Variants in SRGAP3 observed in about 807,000 individuals in gnomAD.
SRGAP3 encodes the protein SLIT-ROBO Rho GTPase-activating protein 3.
A neutral mutation model predicts 121.1 loss-of-function variants in SRGAP3; 39 were observed. The ratio of observed to expected loss-of-function variants is 0.32; its 90% CI spans 0.25 to 0.42. The LOEUF (loss-of-function observed/expected upper bound fraction) is 0.42. SRGAP3 is among the 10% of genes least tolerant of loss of function. The probability of loss-of-function intolerance (pLI) is 1.00; values close to 1 mark genes in which losing one functional copy is unlikely to be tolerated. For synonymous variants in SRGAP3, 601 were observed against 570.0 expected (o/e 1.05, Z -0.77); for missense variants, 1,213 against 1,470.6 (o/e 0.82, Z 2.86).
At chr3:9,101,828 T>G (rs1948227272) in intron 3 of SRGAP3, among the ~76,000 whole-genome samples, 1 of 152,204 alleles carries the variant, frequency 6.6e-6, no homozygotes, top group South Asian at 2.1e-4. Flanking sequence ...TCATTCAGTT[T>G]AATTTTGCTA....
At chr3:9,212,939 G>A (rs1349072996) in intron 1 of SRGAP3, among the ~76,000 whole-genome samples, 1 of 152,200 alleles carries the variant, frequency 6.6e-6, no homozygotes, top group Admixed American at 6.5e-5. Flanking sequence ...GCCTGGGAAG[G>A]GCTACTGCCA....
intron 3 of SRGAP3, among the ~76,000 whole-genome samples, chr3:9,288,791 G>T (rs189192552): frequency 3.9e-5 from 6 of 151,914 alleles, no homozygotes; most frequent in African/African-American, 1.2e-4. Flanking sequence ...GCCCAGGCTG[G>T]TCTTGAACTC....
chr3:8,992,616 A>G, intron 20 of SRGAP3: 1 of 511,668 alleles, frequency 2.0e-6, no homozygotes, highest in Admixed American at 3.2e-5. Flanking sequence ...TAGGAAAAAT[A>G]CTTGCCAATT....
chr3:8,993,193 C>T (rs1942173044), intron 19 of SRGAP3, 138 bp from the exon 20 acceptor site: 3 of 1,383,402 alleles, frequency 2.2e-6, no homozygotes, highest in Non-Finnish European at 2.0e-6. Context: ...TGCTAGGCCA[C>T]TGCCCACTGG....
intron 1 of SRGAP3, among the ~76,000 whole-genome samples, chr3:9,145,196 A>T (rs181142337): frequency 1.8e-4 from 28 of 152,260 alleles, no homozygotes; most frequent in African/African-American, 6.5e-4. Context: ...CCCAGGTTCA[A>T]GCGATTCTCC....
rs1029186338 is a variant in SRGAP3 at position 9,240,448 on chromosome 3, C to G, written c.67+8437G>C. On this transcript the variant is annotated intron_variant, in intron 1 of 21. Coordinates refer to ENST00000383836, the MANE Select transcript of SRGAP3 (RefSeq NM_014850.4). Reference sequence around the variant, plus strand: ...TTCAGGAGGCAGCCCAAACTCACCCCCTCCTGACCTCACCAATCCTTACCC... The same window carrying G: ...TTCAGGAGGCAGCCCAAACTCACCCGCTCCTGACCTCACCAATCCTTACCC... 5.9e-5 allele frequency among the ~76,000 whole-genome samples: 9 copies of G among 152,106 alleles called. No homozygotes were observed. The East Asian group carries it at 7.7e-4, about 13-fold the overall frequency.
chr3:9,328,553 G>A (rs546311779), intron 2 of SRGAP3, among the ~76,000 whole-genome samples: 5 of 152,280 alleles, frequency 3.3e-5, no homozygotes, highest in South Asian at 4.1e-4. Flanking sequence ...CAGGCCAAAC[G>A]GCTGATATTT....
At chr3:9,264,574 A>G (rs1199026742) in intron 3 of SRGAP3, among the ~76,000 whole-genome samples, 2 of 152,188 alleles carry the variant, frequency 1.3e-5, no homozygotes. Flanking sequence ...CTATACACCA[A>G]TAACAGACAA....
At chr3:9,354,515 T>A (rs138316783) in intron 1 of SRGAP3, among the ~76,000 whole-genome samples, 1 of 151,580 alleles carries the variant, frequency 6.6e-6, no homozygotes, top group Non-Finnish European at 1.5e-5. Flanking sequence ...CGGTCTCTAC[T>A]AAAAAACACA....
chr3:9,060,187 C>G (rs1472311595), intron 6 of SRGAP3, 44 bp downstream of exon 6: 3 of 1,613,242 alleles, frequency 1.9e-6, no homozygotes, highest in Non-Finnish European at 2.5e-6. Context: ...TGTGCCAGCC[C>G]TGGTGTGGGC....
rs142518891 is a variant in SRGAP3 at position 9,201,312 on chromosome 3, G to A, written c.67+47573C>T. Among the ~76,000 whole-genome samples, 315 of 152,262 alleles carry A rather than the reference G, an allele frequency of 2.1e-3. 1 individual carries two copies. The East Asian group carries it at 0.021, about 10-fold the overall frequency. The stretch of plus-strand genomic sequence containing the variant: ...CTGTAAGCTCCTCCGACATCCACTG[G>A]CCACTGACCCAGTGTTGAAGCCCAG... On this transcript the variant is annotated intron_variant, in intron 1 of 21. Coordinates refer to ENST00000383836, the MANE Select transcript of SRGAP3 (RefSeq NM_014850.4).
At chr3:9,199,816 A>G (rs114536735) in intron 1 of SRGAP3, among the ~76,000 whole-genome samples, 2,926 of 152,316 alleles carry the variant, frequency 0.019, 97 homozygotes, top group African/African-American at 0.066. Context: ...TTCTCGACAT[A>G]CCAAGCCCCA....
intron 3 of SRGAP3, among the ~76,000 whole-genome samples, chr3:9,295,108 T>G (rs571444032): frequency 6.6e-6 from 1 of 152,312 alleles, no homozygotes; most frequent in East Asian, 1.9e-4. Flanking sequence ...ATACAGCTTA[T>G]CAAAGTAAAA....
At chr3:9,264,214 C>A (rs776758986) in intron 3 of SRGAP3, among the ~76,000 whole-genome samples, 2 of 152,058 alleles carry the variant, frequency 1.3e-5, no homozygotes, top group African/African-American at 2.4e-5. Flanking sequence ...ATTGATGGAC[C>A]ATATCTCAAA....
intron 1 of SRGAP3, among the ~76,000 whole-genome samples, chr3:9,155,604 C>T (rs1950390957): frequency 1.3e-5 from 2 of 152,126 alleles, no homozygotes; most frequent in African/African-American, 2.4e-5. Flanking sequence ...CGGGTTGGGT[C>T]TCTCATGAAT....
At chr3:9,049,286 G>C in intron 9 of SRGAP3, 1 of 409,638 alleles carries the variant, frequency 2.4e-6, no homozygotes, top group Non-Finnish European at 4.9e-6. Context: ...GAACGACTGG[G>C]CTGGTGGGAG....
At chr3:9,253,559 C>T (rs1245747759), upstream of SRGAP3, among the ~76,000 whole-genome samples, 1 of 152,084 alleles carries the variant, frequency 6.6e-6, no homozygotes, top group Non-Finnish European at 1.5e-5. Context: ...TTTTTCTGGT[C>T]GAATATGAAC....
intron 2 of SRGAP3, among the ~76,000 whole-genome samples, chr3:9,105,242 A>G (rs1240919514): frequency 1.3e-5 from 2 of 152,122 alleles, no homozygotes; most frequent in Non-Finnish European, 2.9e-5. Flanking sequence ...CCACTCCCCC[A>G]TTCTGCCTGC....
At chr3:9,359,000 T>C (rs1269082391) in intron 1 of SRGAP3, among the ~76,000 whole-genome samples, 1 of 152,164 alleles carries the variant, frequency 6.6e-6, no homozygotes, top group Non-Finnish European at 1.5e-5. Context: ...AATATCCCAA[T>C]GGGGTTCAGA....
Sources: gnomAD v4.1 joint callset for allele counts (sites outside exome capture counted in the v4.1 genomes callset) on GRCh38, gnomAD v4.1.1 for gene constraint, MANE v1.5 for transcripts, NCBI Gene and HGNC (gene_info 2026-07-23, HGNC 2026-07-21) for gene names.